Variants in DLGAP2 observed in about 807,000 individuals in gnomAD.
DLGAP2 encodes DLG associated protein 2, also known as disks large-associated protein 2.
DLGAP2 carries 26 observed loss-of-function variants against 100.3 expected under a neutral mutation model. The ratio of observed to expected loss-of-function variants is 0.26; its 90% CI spans 0.19 to 0.36. The LOEUF (loss-of-function observed/expected upper bound fraction) is 0.36. Ranked by LOEUF, DLGAP2 falls within the 10% of genes least tolerant of loss-of-function variation. The pLI is 1.00. For synonymous variants in DLGAP2, 886 were observed against 630.1 expected, an observed-to-expected ratio of 1.41 and a Z score of -6.08; for missense variants, 1,858 against 1,453.2, an observed-to-expected ratio of 1.28 and a Z score of -4.53.
At chr8:1,315,418 A>T (rs1800714205) in intron 3 of DLGAP2, among the ~76,000 whole-genome samples, 1 of 143,944 alleles carries the variant, frequency 6.9e-6, no homozygotes, top group Admixed American at 6.7e-5. Flanking sequence ...GGCAGCTTTT[A>T]AAAATAGAGC....
intron 3 of DLGAP2, among the ~76,000 whole-genome samples, chr8:1,402,232 C>T (rs1347419574): frequency 2.0e-4 from 2 of 9,888 alleles, no homozygotes. Context: ...GCTTACTGAG[C>T]GCTCCCTCCT....
At chr8:809,921 T>C (rs1192621168) in intron 1 of DLGAP2, among the ~76,000 whole-genome samples, 1 of 152,222 alleles carries the variant, frequency 6.6e-6, no homozygotes, top group Non-Finnish European at 1.5e-5. Context: ...TGTGCTCTGG[T>C]GCTAATTTCT....
chr8:1,666,299 A>T (rs561271485), intron 8 of DLGAP2, among the ~76,000 whole-genome samples: 1 of 152,328 alleles, frequency 6.6e-6, no homozygotes, highest in Non-Finnish European at 1.5e-5. Context: ...TCAGCACCCG[A>T]TTGATTTCAT....
chr8:780,894 C>A (rs113981067), intron 1 of DLGAP2, among the ~76,000 whole-genome samples: 53 of 151,714 alleles, frequency 3.5e-4, no homozygotes, highest in African/African-American at 1.2e-3. Flanking sequence ...ACCAGAGTAG[C>A]AATTATTGAG....
intron 2 of DLGAP2, among the ~76,000 whole-genome samples, chr8:1,009,367 T>G (rs930143753): frequency 1.3e-5 from 2 of 152,228 alleles, no homozygotes; most frequent in Admixed American, 6.5e-5. Flanking sequence ...CTATAATGGT[T>G]TATTTGACCT....
chr8:1,447,869 T>C (rs1363228075), intron 3 of DLGAP2, among the ~76,000 whole-genome samples: 1 of 152,250 alleles, frequency 6.6e-6, no homozygotes, highest in Admixed American at 6.5e-5. Flanking sequence ...CTAGTTTATA[T>C]ACGTAGAGGT....
At chr8:886,043 G>A (rs1314950392) in intron 1 of DLGAP2, among the ~76,000 whole-genome samples, 1 of 152,076 alleles carries the variant, frequency 6.6e-6, no homozygotes, top group Admixed American at 6.6e-5. Context: ...GCTTTTTTTG[G>A]TTGATAGGCT....
At chr8:1,230,059 AG>A (rs1473235601) in intron 2 of DLGAP2, among the ~76,000 whole-genome samples, 3 of 152,146 alleles carry the variant, frequency 2.0e-5, no homozygotes, top group Non-Finnish European at 4.4e-5. Context: ...ATAATAAAAC[AG>A]GAAGTCAAAC....
chr8:881,682 CTTTTT>C (rs561123444), intron 1 of DLGAP2, among the ~76,000 whole-genome samples: 1 of 51,824 alleles, frequency 1.9e-5, no homozygotes, highest in Non-Finnish European at 5.3e-5. Flanking sequence ...CACACACACA[CTTTTT>C]TTTTTTTTTT....
At chr8:1,445,987 A>G (rs1346709736) in intron 3 of DLGAP2, among the ~76,000 whole-genome samples, 1 of 152,002 alleles carries the variant, frequency 6.6e-6, no homozygotes, top group East Asian at 1.9e-4. Context: ...GATTCTGGAT[A>G]TTAGCCCTTT....
At chr8:1,290,845 A>G (rs1194397158) in intron 3 of DLGAP2, among the ~76,000 whole-genome samples, 8 of 152,202 alleles carry the variant, frequency 5.3e-5, no homozygotes, top group African/African-American at 1.9e-4. Context: ...AAGAAATGGC[A>G]TTACTTTTTG....
At chr8:1,694,583 C>G (rs1173517311) in intron 13 of DLGAP2, among the ~76,000 whole-genome samples, 1 of 152,146 alleles carries the variant, frequency 6.6e-6, no homozygotes, top group Admixed American at 6.5e-5. Flanking sequence ...GTGGGACCAG[C>G]AGTTTGGTGT....
chr8:1,005,996 C>T (rs913781852), intron 2 of DLGAP2, among the ~76,000 whole-genome samples: 7 of 152,090 alleles, frequency 4.6e-5, no homozygotes, highest in Admixed American at 2.0e-4. Flanking sequence ...CAAGACCATC[C>T]TGGCCAACAT....
chr8:1,232,266 A>T (rs1278254053), intron 2 of DLGAP2, among the ~76,000 whole-genome samples: 1 of 152,194 alleles, frequency 6.6e-6, no homozygotes, highest in Non-Finnish European at 1.5e-5. Context: ...CCCCGTGCTG[A>T]GGAGTGGGTT....
chr8:865,973 G>T (rs542223141), intron 1 of DLGAP2, among the ~76,000 whole-genome samples: 2 of 152,330 alleles, frequency 1.3e-5, no homozygotes, highest in South Asian at 4.1e-4. Context: ...CAAGGGGAGT[G>T]CTTAGTTGGG....
At chr8:789,783 A>G (rs530956065) in intron 1 of DLGAP2, among the ~76,000 whole-genome samples, 2 of 152,182 alleles carry the variant, frequency 1.3e-5, no homozygotes, top group South Asian at 2.1e-4. Context: ...CCGGCAATGC[A>G]GTTTAGAGAC....
chr8:1,643,487 GA>G (rs2130798291), intron 8 of DLGAP2, among the ~76,000 whole-genome samples: 1 of 25,278 alleles, frequency 4.0e-5, no homozygotes, highest in Non-Finnish European at 6.2e-5. Flanking sequence ...TGTCACCCTC[GA>G]ACCCGCCGGT....
At chr8:1,426,368 C>A (rs116335721) in intron 3 of DLGAP2, among the ~76,000 whole-genome samples, 1 of 152,072 alleles carries the variant, frequency 6.6e-6, no homozygotes, top group Admixed American at 6.6e-5. Context: ...GAGTTGCCCA[C>A]GAGAACATGG....
chr8:1,079,715 T>A (rs1228350965), intron 2 of DLGAP2, among the ~76,000 whole-genome samples: 1 of 152,090 alleles, frequency 6.6e-6, no homozygotes, highest in African/African-American at 2.4e-5. Context: ...TATAATCCAG[T>A]TGGGAGGACA....
Sources: gnomAD v4.1 joint callset for allele counts (sites outside exome capture counted in the v4.1 genomes callset) on GRCh38, gnomAD v4.1.1 for gene constraint, MANE v1.5 for transcripts, NCBI Gene and HGNC (gene_info 2026-07-23, HGNC 2026-07-21) for gene names.